COPA: variants seen among roughly 807,000 people sequenced by gnomAD.
The protein encoded by COPA is coatomer subunit alpha.
COPA carries 10 observed loss-of-function variants against 158.7 expected under a neutral mutation model. The observed-to-expected ratio is 0.06, with a 90% CI of 0.04 to 0.11. The LOEUF is 0.11. Ranked by LOEUF, COPA falls within the 10% of genes least tolerant of loss-of-function variation. The pLI is 1.00. For missense variants in COPA, 1,065 were observed against 1,536.7 expected, an observed-to-expected ratio of 0.69 and a Z score of 5.13; for synonymous variants, 462 against 542.8, an observed-to-expected ratio of 0.85 and a Z score of 2.07.
chr1:160,314,499 C>T (rs1041321788), intron 8 of COPA, among the ~76,000 whole-genome samples: 3 of 152,046 alleles, frequency 2.0e-5, no homozygotes, highest in Admixed American at 6.6e-5. Context: ...GGTGTTGTGG[C>T]GCACGTTTGT....
intron 23 of COPA, among the ~76,000 whole-genome samples, 171 bp from the exon 24 acceptor site, chr1:160,295,028 C>A (rs1658355572): frequency 6.6e-6 from 1 of 152,218 alleles, no homozygotes; most frequent in African/African-American, 2.4e-5. Flanking sequence ...TGCTAACTTG[C>A]AGTAGCTTTC....
intron 3 of COPA, among the ~76,000 whole-genome samples, chr1:160,335,680 G>C (rs1053599821): frequency 6.6e-6 from 1 of 151,078 alleles, no homozygotes; most frequent in Non-Finnish European, 1.5e-5. Context: ...TCAGGAGATC[G>C]AGACCATCCT....
intron 19 of COPA, 84 bp downstream of exon 19, chr1:160,298,761 A>G (rs1658496418): frequency 6.7e-7 from 1 of 1,499,386 alleles, no homozygotes; most frequent in Non-Finnish European, 9.0e-7. Context: ...CTAAAGAAGC[A>G]AGCCCAGAAT....
intron 4 of COPA, among the ~76,000 whole-genome samples, chr1:160,334,275 G>T (rs572074220): frequency 1.3e-5 from 2 of 152,020 alleles, no homozygotes; most frequent in Admixed American, 1.3e-4. Flanking sequence ...ATTTTCAATA[G>T]AGATAGTATC....
At chr1:160,341,153 T>A (rs1557878225) in intron 1 of COPA, among the ~76,000 whole-genome samples, 1 of 152,236 alleles carries the variant, frequency 6.6e-6, no homozygotes. Flanking sequence ...TGGCTCTTGT[T>A]ATTCTATCAT....
intron 3 of COPA, among the ~76,000 whole-genome samples, chr1:160,336,332 CAAA>C (rs754757246): frequency 4.6e-5 from 5 of 109,572 alleles, no homozygotes; most frequent in Non-Finnish European, 6.0e-5. Flanking sequence ...GGCTCGGTCT[CAAA>C]AAAAAAAAAA....
chr1:160,315,128 C>CAG (rs1659090738), intron 8 of COPA, among the ~76,000 whole-genome samples: 1 of 152,110 alleles, frequency 6.6e-6, no homozygotes, highest in South Asian at 2.1e-4. Flanking sequence ...AAACTCTGAG[C>CAG]AGATGGTAAG....
intron 6 of COPA, among the ~76,000 whole-genome samples, chr1:160,332,083 T>C (rs569093614): frequency 2.1e-4 from 32 of 152,342 alleles, no homozygotes; most frequent in African/African-American, 6.7e-4. Flanking sequence ...GAGTCTTGTT[T>C]CCCTGTATTA....
intron 25 of COPA, among the ~76,000 whole-genome samples, chr1:160,293,745 C>T (rs1273616279): frequency 6.6e-6 from 1 of 152,096 alleles, no homozygotes; most frequent in Non-Finnish European, 1.5e-5. Context: ...ATCTGCCTGG[C>T]TCAGCCTCCC....
chr1:160,324,992 A>G (rs929522877), intron 7 of COPA, among the ~76,000 whole-genome samples: 2 of 152,194 alleles, frequency 1.3e-5, no homozygotes, highest in Admixed American at 1.3e-4. Flanking sequence ...TCAGATCGAA[A>G]TTCAAATCTT....
chr1:160,290,179 A>T lies in COPA; in HGVS notation c.3653T>A (p.Ile1218Asn). Residue 1218 changes from isoleucine (I) to asparagine (N), a missense_variant, in exon 33 of 33, where the codon ATC (isoleucine) becomes AAC (asparagine). This residue lies in a region of COPA where 980 missense variants were observed against 1,357.8 expected (regional missense o/e 0.72). Transcript: ENST00000241704. The stretch of plus-strand genomic sequence containing the variant: ...GCCTTAGCGAAACTGCAGAGGACTG[A>T]TCCTTAAACCAATCACATCTTTGCC... Reference protein sequence around the residue: ...EIGKDVIGLRISPLQFR With the variant: ...EIGKDVIGLRNSPLQFR 1 of 1,614,186 alleles carries T rather than the reference A, an allele frequency of 6.2e-7. No individual in the cohort carries two copies. The highest frequency in any genetic ancestry group is 8.5e-7 in the Non-Finnish European group (1 of 1,180,030).
chr1:160,297,620 G>A lies in COPA; in HGVS notation c.2103C>T (p.Asp701=). 2 of 1,614,146 alleles carry A rather than the reference G, an allele frequency of 1.2e-6. No individual in the cohort carries two copies. Among genetic ancestry groups the A allele is most frequent in the Non-Finnish European group, 1.7e-6 (2 of 1,180,012 alleles). Residue 701 remains aspartate, a synonymous_variant, in exon 20 of 33, where the codon GAC becomes GAT. Transcript: ENST00000241704. ...TGATAAGATACAGGAAGGAAAGTTTGTCAAAGTTTTTGGTACGCTGATAGC... is the reference window on the plus strand; with the variant it reads ...TGATAAGATACAGGAAGGAAAGTTTATCAAAGTTTTTGGTACGCTGATAGC... The part of the protein sequence containing the change: ...EMCYQRTKNF[D]KLSFLYLITG...
chr1:160,307,684 GAGC>G (rs1244579967), intron 13 of COPA, among the ~76,000 whole-genome samples: 1 of 152,222 alleles, frequency 6.6e-6, no homozygotes, highest in East Asian at 1.9e-4. Context: ...GGGTGAGGCA[GAGC>G]ACTCCCAACT....
intron 17 of COPA, among the ~76,000 whole-genome samples, chr1:160,302,033 T>C (rs1557863371): frequency 6.6e-6 from 1 of 152,056 alleles, no homozygotes; most frequent in Non-Finnish European, 1.5e-5. Context: ...TTGCTGGAGA[T>C]CCTAGTCAGT....
Position 160,294,573 on chromosome 1 carries a change from C to G in COPA, c.2587G>C (p.Glu863Gln), listed in dbSNP as rs12062289. The change falls in exon 25 of 33, where the codon GAA becomes CAA. Residue 863 changes from glutamate (E) to glutamine (Q), a missense_variant. Glu to Gln is a conservative substitution (Grantham distance 29). Coordinates refer to ENST00000241704, the MANE Select transcript of COPA (RefSeq NM_004371.4). ...CCAAGAGCATCATCCCCCAAACCTT[C>G]TGTAGCCTCCACAAACCCATCTGTA... ...LDEDGFVEAT[E>Q]GLGDDALGKG... The G allele has an allele frequency of 9.9e-6, 16 of 1,614,112 alleles. No homozygotes were observed. Among genetic ancestry groups the G allele is most frequent in the Non-Finnish European group, 1.4e-5 (16 of 1,180,042 alleles).
chr1:160,336,748 C>T (rs904709327), intron 3 of COPA, among the ~76,000 whole-genome samples: 3 of 152,104 alleles, frequency 2.0e-5, no homozygotes, highest in African/African-American at 7.2e-5. Context: ...TGTTTATAAT[C>T]AATCTGGGCC....
intron 7 of COPA, among the ~76,000 whole-genome samples, chr1:160,324,850 T>C (rs1659441356): frequency 6.6e-6 from 1 of 152,210 alleles, no homozygotes; most frequent in Admixed American, 6.5e-5. Context: ...GAACTGCTGA[T>C]TTTAAGATAC....
At position 160,335,244 on chromosome 1, in the gene COPA, G is replaced by A. The variant is rs200420166; in HGVS notation, c.307C>T (p.His103Tyr). 6.2e-6 allele frequency: 10 copies of A among 1,608,830 alleles called. No homozygotes were observed. Among genetic ancestry groups the A allele is most frequent in the Non-Finnish European group, 7.6e-6 (9 of 1,177,446 alleles). ...CTAGCGCCACCATGACTACTTACAT[G>A]ATGAAAAAACGTGGTGCGAATATAA... ...LDYIRTTFFH[H>Y]EYPWILSASD... Residue 103 changes from histidine (H) to tyrosine (Y), a missense_variant and splice_region_variant, in exon 4 of 33, where the codon CAT becomes TAT. His to Tyr is a moderately conservative substitution (Grantham distance 83). Transcript: ENST00000241704.
At chr1:160,321,284 A>G (rs1659323646) in intron 8 of COPA, among the ~76,000 whole-genome samples, 1 of 152,242 alleles carries the variant, frequency 6.6e-6, no homozygotes, top group Non-Finnish European at 1.5e-5. Context: ...ACGGACCAGA[A>G]GGCAAGGATG....
Sources: gnomAD v4.1 joint callset for allele counts (sites outside exome capture counted in the v4.1 genomes callset) on GRCh38, gnomAD v4.1.1 for gene constraint, gnomAD v4.1.1 regional missense constraint, MANE v1.5 for transcripts, NCBI Gene and HGNC (gene_info 2026-07-23, HGNC 2026-07-21) for gene names.